Variants in TXLNB observed in about 807,000 individuals in gnomAD.
TXLNB encodes the protein beta-taxilin.
In TXLNB, 37 loss-of-function variants were observed where a neutral mutation model predicts 57.4. The observed-to-expected ratio is 0.64, with a 90% CI of 0.50 to 0.85. The LOEUF is 0.85. Among genes scored for constraint, TXLNB ranks in the 40% least tolerant of loss-of-function variants. TXLNB has a pLI of 0.00. For missense variants in TXLNB, 848 were observed against 825.6 expected (o/e 1.03, Z -0.33); for synonymous variants, 302 against 309.6 (o/e 0.98, Z 0.26).
At chr6:139,263,759 TACAG>T (rs1776545948) in intron 4 of TXLNB, among the ~76,000 whole-genome samples, 1 of 152,208 alleles carries the variant, frequency 6.6e-6, no homozygotes, top group Non-Finnish European at 1.5e-5. Context: ...TGACAAATGA[TACAG>T]ACATTTTAGG....
chr6:139,274,264 C>G (rs1776838829), intron 3 of TXLNB, among the ~76,000 whole-genome samples: 1 of 152,144 alleles, frequency 6.6e-6, no homozygotes, highest in Non-Finnish European at 1.5e-5. Context: ...GATGAGTGAG[C>G]TAGAGTGGCA....
the TXLNB span, chr6:139,166,686 G>A: frequency 2.0e-5 from 32 of 1,613,390 alleles, no homozygotes; most frequent in Non-Finnish European, 2.6e-5. Context: ...GCAAAAAAGT[G>A]CAGGCCCCCA....
At chr6:139,203,868 T>C in the TXLNB span, among the ~76,000 whole-genome samples, 1 of 152,184 alleles carries the variant, frequency 6.6e-6, no homozygotes, top group Non-Finnish European at 1.5e-5. Context: ...GGGACTTGAG[T>C]TGAAATTGGG....
At chr6:139,234,956 C>T in the TXLNB span, among the ~76,000 whole-genome samples, 1 of 152,240 alleles carries the variant, frequency 6.6e-6, no homozygotes, top group Non-Finnish European at 1.5e-5. Context: ...TACGGGAGCC[C>T]ACCTCTAGCA....
At chr6:139,210,862 G>A in the TXLNB span, among the ~76,000 whole-genome samples, 5 of 152,234 alleles carry the variant, frequency 3.3e-5, no homozygotes, top group African/African-American at 4.8e-5. Context: ...AGGGTCCTAC[G>A]CCCACGGAGC....
the TXLNB span, among the ~76,000 whole-genome samples, chr6:139,200,704 T>C: frequency 1.3e-5 from 2 of 152,132 alleles, no homozygotes; most frequent in Admixed American, 6.5e-5. Context: ...TAGGTTTCTA[T>C]TTTCTTTCAC....
rs1375237068 is a variant in TXLNB, at chr6:139,288,699, A to C, written c.201T>G (p.Ile67Met). 6.2e-7 allele frequency: 1 copy of C among 1,613,966 alleles called. No individual in the cohort carries two copies. Among genetic ancestry groups the C allele is most frequent in the Non-Finnish European group, 8.5e-7 (1 of 1,180,024 alleles). ...EELNRQLEDI[I>M]NTYGSAASTA... ...TGCTGGCAGCAGACCCATAAGTGTT[A>C]ATGATGTCTTCCAGCTGTCGATTCA... Residue 67 changes from isoleucine (I) to methionine (M), a missense_variant, in exon 2 of 10, where the codon ATT (isoleucine) becomes ATG (methionine). Transcript: ENST00000358430.
At chr6:139,212,129 A>G in the TXLNB span, among the ~76,000 whole-genome samples, 1 of 151,772 alleles carries the variant, frequency 6.6e-6, no homozygotes, top group Non-Finnish European at 1.5e-5. Context: ...TACAGAGAAC[A>G]CCACAAAGAT....
the TXLNB span, among the ~76,000 whole-genome samples, chr6:139,171,955 T>C: frequency 6.6e-6 from 1 of 151,926 alleles, no homozygotes; most frequent in East Asian, 1.9e-4. Context: ...CTCAGCCTCA[T>C]GAGTAGCTGG....
intron 2 of TXLNB, among the ~76,000 whole-genome samples, chr6:139,278,861 A>G (rs1037414207): frequency 6.6e-6 from 1 of 152,138 alleles, no homozygotes; most frequent in Non-Finnish European, 1.5e-5. Context: ...AAACTTAGCT[A>G]GGCTTGGTGG....
chr6:139,315,038 C>T, the TXLNB span, among the ~76,000 whole-genome samples: 1 of 152,102 alleles, frequency 6.6e-6, no homozygotes, highest in East Asian at 1.9e-4. Flanking sequence ...CCAAATTGTT[C>T]CTGGGGACCT....
chr6:139,216,295 T>TA, the TXLNB span, among the ~76,000 whole-genome samples: 24 of 151,230 alleles, frequency 1.6e-4, 1 homozygote, highest in African/African-American at 5.6e-4. Flanking sequence ...TATGCAGCCA[T>TA]AAAAAATGAT....
chr6:139,172,875 C>T, the TXLNB span, among the ~76,000 whole-genome samples: 108,140 of 152,158 alleles, frequency 0.71, 39,674 homozygotes, highest in African/African-American at 0.86. Flanking sequence ...ATGATTCACA[C>T]GGAGCTGGTA....
the TXLNB span, chr6:139,167,233 G>A: frequency 6.2e-7 from 1 of 1,614,166 alleles, no homozygotes; most frequent in Non-Finnish European, 8.5e-7. Flanking sequence ...CGCTCCCGGT[G>A]TTCGAACAGT....
chr6:139,246,886 C>T (rs991560884), intron 8 of TXLNB, among the ~76,000 whole-genome samples: 1 of 151,126 alleles, frequency 6.6e-6, no homozygotes, highest in East Asian at 2.0e-4. Context: ...TGCACTCCAG[C>T]CTGGGCAACA....
chr6:139,227,003 G>C, the TXLNB span, among the ~76,000 whole-genome samples: 1 of 151,920 alleles, frequency 6.6e-6, no homozygotes, highest in Non-Finnish European at 1.5e-5. Flanking sequence ...CTCCAGCTGG[G>C]GAGACAGAGC....
the TXLNB span, among the ~76,000 whole-genome samples, chr6:139,196,364 GGTTT>G: frequency 0.089 from 7,718 of 86,540 alleles, 1,379 homozygotes; most frequent in Non-Finnish European, 0.13. Flanking sequence ...CTCCAGATCT[GGTTT>G]TTTTTTTTTT....
intron 4 of TXLNB, among the ~76,000 whole-genome samples, chr6:139,269,764 A>G (rs1776710444): frequency 6.6e-6 from 1 of 152,222 alleles, no homozygotes; most frequent in South Asian, 2.1e-4. Flanking sequence ...GGGGATGCAC[A>G]CAGTATCATC....
chr6:139,317,938 C>A, the TXLNB span, among the ~76,000 whole-genome samples: 4 of 151,882 alleles, frequency 2.6e-5, no homozygotes, highest in Admixed American at 1.3e-4. Flanking sequence ...AAGAAAAGAT[C>A]TCATCAGATG....
Sources: gnomAD v4.1 joint callset for allele counts (sites outside exome capture counted in the v4.1 genomes callset) on GRCh38, gnomAD v4.1.1 for gene constraint, MANE v1.5 for transcripts, NCBI Gene and HGNC (gene_info 2026-07-23, HGNC 2026-07-21) for gene names.